Variants in LARGE1 observed in about 807,000 individuals in gnomAD.
The protein encoded by LARGE1 is LARGE xylosyl- and glucuronyltransferase 1, also known as xylosyl- and glucuronyltransferase LARGE1.
Under a neutral mutation model 87.6 loss-of-function variants are expected in LARGE1, and 43 were observed. The ratio of observed to expected loss-of-function variants is 0.49; its 90% confidence interval spans 0.38 to 0.63. The LOEUF (loss-of-function observed/expected upper bound fraction) is 0.63, where lower values mean the gene tolerates loss of function less well. Among genes scored for constraint, LARGE1 ranks in the 30% least tolerant of loss-of-function variants. LARGE1 has a pLI of 0.00. For missense variants in LARGE1, 802 were observed against 1,000.2 expected (o/e 0.80, Z 2.67); for synonymous variants, 434 against 394.6 (o/e 1.10, Z -1.18).
intron 4 of LARGE1, among the ~76,000 whole-genome samples, chr22:33,609,637 G>A (rs2079371579): frequency 6.6e-6 from 1 of 152,096 alleles, no homozygotes; most frequent in African/African-American, 2.4e-5. Context: ...ATCTGGAATG[G>A]GAAACCCAGC....
intron 11 of LARGE1, among the ~76,000 whole-genome samples, chr22:33,265,391 A>T (rs1927877326): frequency 6.6e-6 from 1 of 152,154 alleles, no homozygotes. Flanking sequence ...CTGTATTCAG[A>T]GCTGAATCCA....
At chr22:33,337,454 C>T (rs559032558) in intron 10 of LARGE1, among the ~76,000 whole-genome samples, 192 bp downstream of exon 10, 1 of 152,200 alleles carries the variant, frequency 6.6e-6, no homozygotes, top group African/African-American at 2.4e-5. Flanking sequence ...TGTCTGCATC[C>T]ACAATGATGA....
chr22:33,733,806 G>A (rs1328210088), intron 2 of LARGE1: 1 of 151,414 alleles, frequency 6.6e-6, no homozygotes, highest in East Asian at 2.0e-4. Context: ...ACGACAAAGT[G>A]CTGGGGGACA....
intron 6 of LARGE1, among the ~76,000 whole-genome samples, chr22:33,515,934 C>T (rs1256863022): frequency 6.6e-6 from 1 of 152,206 alleles, no homozygotes; most frequent in East Asian, 1.9e-4. Context: ...CACACAGCAC[C>T]AGCCTGGCAC....
intron 4 of LARGE1, among the ~76,000 whole-genome samples, chr22:33,613,422 T>A (rs2079496319): frequency 6.6e-6 from 1 of 152,210 alleles, no homozygotes; most frequent in Non-Finnish European, 1.5e-5. Flanking sequence ...GTCAACCAGA[T>A]GGCCCCACTT....
At chr22:33,071,503 G>A in the LARGE1 span, among the ~76,000 whole-genome samples, 2 of 152,126 alleles carry the variant, frequency 1.3e-5, no homozygotes, top group Non-Finnish European at 2.9e-5. Context: ...GTATCCCAGT[G>A]CCTAGATAAG....
intron 2 of LARGE1, among the ~76,000 whole-genome samples, chr22:33,754,185 A>G (rs2084422085): frequency 1.3e-5 from 2 of 152,194 alleles, no homozygotes; most frequent in Non-Finnish European, 2.9e-5. Context: ...GTCCCAAGGT[A>G]AGAACTACAG....
intron 3 of LARGE1, among the ~76,000 whole-genome samples, chr22:33,649,200 G>A (rs1053369778): frequency 2.0e-5 from 3 of 152,124 alleles, no homozygotes; most frequent in South Asian, 2.1e-4. Flanking sequence ...GGCTCTCCTT[G>A]TCCTCCTCCC....
rs552786440 is a variant in LARGE1 at position 33,772,115 on chromosome 22, C to T, written c.-82-10557G>A. ...TTGGGAGGCCAAGGCAGGTGGATCA[C>T]GAGGTCGGGAGACCGATATCATCCT... On this transcript the variant is annotated intron_variant, in intron 1 of 14. Coordinates refer to ENST00000397394, the MANE Select transcript of LARGE1 (RefSeq NM_133642.5). 2.6e-5 allele frequency among the ~76,000 whole-genome samples: 4 copies of T among 152,308 alleles called. No individual in the cohort carries two copies. In the East Asian group the frequency reaches 7.7e-4, roughly 29 times the overall value.
intron 7 of LARGE1, among the ~76,000 whole-genome samples, chr22:33,396,947 A>G (rs2147270691): frequency 6.6e-6 from 1 of 152,254 alleles, no homozygotes; most frequent in Non-Finnish European, 1.5e-5. Context: ...CAAACTTTTT[A>G]TTAGAGTGGA....
At chr22:33,657,522 G>A (rs141061316) in intron 2 of LARGE1, among the ~76,000 whole-genome samples, 132 of 152,224 alleles carry the variant, frequency 8.7e-4, no homozygotes, top group Non-Finnish European at 9.4e-4. Flanking sequence ...TAGCATAAAA[G>A]CGGCCATAGA....
intron 6 of LARGE1, among the ~76,000 whole-genome samples, chr22:33,485,574 A>G (rs1456549107): frequency 2.6e-5 from 4 of 152,184 alleles, no homozygotes; most frequent in African/African-American, 9.7e-5. Flanking sequence ...AATAACTGTA[A>G]TCCCATTAAC....
Position 33,434,551 on chromosome 22 carries a change from G to A in LARGE1, c.788-2286C>T, listed in dbSNP as rs182401605. Among the ~76,000 whole-genome samples the A allele has an allele frequency of 7.4e-3, 1,119 of 152,188 alleles. 8 individuals are homozygous for A. Among genetic ancestry groups the A allele is most frequent in the Non-Finnish European group, 0.012 (796 of 68,008 alleles). ...CCTGACCTTGTGATCCGCCTGCCTC[G>A]GCCTCCCAAAGTGCTGGGATTACAA... On this transcript the variant is annotated intron_variant, in intron 6 of 14. Coordinates refer to ENST00000397394, the MANE Select transcript of LARGE1 (RefSeq NM_133642.5).
intron 6 of LARGE1, among the ~76,000 whole-genome samples, chr22:33,493,673 G>A (rs1196492903): frequency 1.3e-5 from 2 of 152,134 alleles, no homozygotes; most frequent in Admixed American, 1.3e-4. Flanking sequence ...TTGCAGATGA[G>A]GAAACTGCAG....
chr22:33,563,171 C>T (rs1019741431), intron 6 of LARGE1: 5 of 152,242 alleles, frequency 3.3e-5, no homozygotes, highest in Admixed American at 2.6e-4. Context: ...TGAGAGCCCC[C>T]GCTGCAGGGA....
At chr22:33,356,832 A>G (rs545656145) in intron 9 of LARGE1, among the ~76,000 whole-genome samples, 12 of 152,290 alleles carry the variant, frequency 7.9e-5, no homozygotes, top group African/African-American at 2.9e-4. Flanking sequence ...ACAAGACAGA[A>G]CAGAGGAGTA....
intron 11 of LARGE1, among the ~76,000 whole-genome samples, chr22:33,309,058 G>C (rs1039032121): frequency 6.6e-6 from 1 of 152,134 alleles, no homozygotes; most frequent in Non-Finnish European, 1.5e-5. Context: ...CTAGGCGCCT[G>C]CATTTCAGGA....
At chr22:33,910,467 A>G (rs953625225) in intron 1 of LARGE1, among the ~76,000 whole-genome samples, 1 of 152,090 alleles carries the variant, frequency 6.6e-6, no homozygotes, top group African/African-American at 2.4e-5. Context: ...ACCCAAATCT[A>G]ATATTCTCAT....
the LARGE1 span, among the ~76,000 whole-genome samples, chr22:33,096,556 TTTTG>T: frequency 3.1e-4 from 30 of 96,506 alleles, no homozygotes; most frequent in African/African-American, 1.1e-3. Context: ...GTTTGTTTGT[TTTTG>T]TTTTTGTTTT....
Sources: gnomAD v4.1 joint callset for allele counts (sites outside exome capture counted in the v4.1 genomes callset) on GRCh38, gnomAD v4.1.1 for gene constraint, MANE v1.5 for transcripts, NCBI Gene and HGNC (gene_info 2026-07-23, HGNC 2026-07-21) for gene names.